WLS: variants seen among roughly 807,000 people sequenced by gnomAD.
WLS encodes protein wntless homolog.
In WLS, 23 loss-of-function variants were observed where a neutral mutation model predicts 62.8. That is an observed-to-expected ratio of 0.37 (90% confidence interval 0.26 to 0.52). The LOEUF (loss-of-function observed/expected upper bound fraction) is 0.52, where lower values mean the gene tolerates loss of function less well. Ranked by LOEUF, WLS falls within the 20% of genes least tolerant of loss-of-function variation. WLS has a pLI of 0.92. For missense variants in WLS, 615 were observed against 697.3 expected (o/e 0.88, Z 1.33); for synonymous variants, 246 against 244.1 (o/e 1.01, Z -0.07).
rs772365111 is a variant in WLS, at chr1:68,153,672, T to G, written c.667-19A>C. 1 of 1,613,962 alleles carries G rather than the reference T, an allele frequency of 6.2e-7. No homozygotes were observed. The highest frequency in any genetic ancestry group is 1.1e-5 in the South Asian group (1 of 91,032). On this transcript the variant is annotated intron_variant, in intron 4 of 11. Coordinates refer to ENST00000262348, the MANE Select transcript of WLS (RefSeq NM_024911.7). Reference sequence around the variant, plus strand: ...GGATCCCCTAGGCAGAGACCAGTGATAATTTTGAAGGTGAATATTATCTTA... The same window carrying G: ...GGATCCCCTAGGCAGAGACCAGTGAGAATTTTGAAGGTGAATATTATCTTA...
chr1:68,172,315 A>AG (rs921745128), intron 2 of WLS, among the ~76,000 whole-genome samples: 5 of 152,106 alleles, frequency 3.3e-5, no homozygotes, highest in African/African-American at 1.2e-4. Flanking sequence ...TATAATTAAA[A>AG]AAAAAAAATA....
intron 11 of WLS, among the ~76,000 whole-genome samples, chr1:68,113,546 A>C (rs1262809212): frequency 6.6e-6 from 1 of 152,188 alleles, no homozygotes; most frequent in Non-Finnish European, 1.5e-5. Context: ...CATATGATCC[A>C]AGCACTTTGG....
downstream of WLS, among the ~76,000 whole-genome samples, chr1:68,122,560 T>C (rs969614449): frequency 3.7e-5 from 5 of 136,804 alleles, no homozygotes; most frequent in Admixed American, 7.4e-5. Flanking sequence ...TTGGTAAACT[T>C]TCTTATTTTT....
At chr1:68,137,722 G>A in intron 11 of WLS, 58 bp downstream of exon 11, 2 of 1,556,938 alleles carry the variant, frequency 1.3e-6, no homozygotes, top group Non-Finnish European at 1.7e-6. Context: ...TTTAAATCTT[G>A]TAAAGACAGA....
chr1:68,206,795 C>T (rs1649299136), intron 1 of WLS, among the ~76,000 whole-genome samples: 1 of 152,150 alleles, frequency 6.6e-6, no homozygotes, highest in Non-Finnish European at 1.5e-5. Context: ...ACTTTTAACT[C>T]AGCAATTGTA....
At chr1:68,109,589 C>T (rs535633967) in intron 11 of WLS, among the ~76,000 whole-genome samples, 2 of 152,072 alleles carry the variant, frequency 1.3e-5, no homozygotes, top group African/African-American at 4.8e-5. Flanking sequence ...AAGACTTAAA[C>T]ATAACTTTTA....
At chr1:68,168,960 G>C (rs1331311260) in intron 2 of WLS, among the ~76,000 whole-genome samples, 2 of 152,172 alleles carry the variant, frequency 1.3e-5, no homozygotes, top group African/African-American at 2.4e-5. Context: ...GGCCCTGGCG[G>C]TTTTCTTAAG....
intron 2 of WLS, among the ~76,000 whole-genome samples, chr1:68,175,345 A>C (rs1647221123): frequency 6.6e-6 from 1 of 152,194 alleles, no homozygotes; most frequent in Non-Finnish European, 1.5e-5. Flanking sequence ...TACCAATGTG[A>C]GAGGGAGGCA....
intron 5 of WLS, among the ~76,000 whole-genome samples, 173 bp downstream of exon 5, chr1:68,153,344 T>A (rs980370734): frequency 6.6e-6 from 1 of 152,110 alleles, no homozygotes; most frequent in Non-Finnish European, 1.5e-5. Context: ...ATTTACTTAA[T>A]AACAACTTGC....
intron 10 of WLS, among the ~76,000 whole-genome samples, chr1:68,144,132 G>T (rs1167754767): frequency 6.6e-6 from 1 of 152,180 alleles, no homozygotes; most frequent in Non-Finnish European, 1.5e-5. Context: ...CCAGTGAAAA[G>T]ACAAGATGCT....
chr1:68,227,085 C>A (rs1011939279), intron 1 of WLS, among the ~76,000 whole-genome samples: 4 of 152,102 alleles, frequency 2.6e-5, no homozygotes, highest in Non-Finnish European at 5.9e-5. Flanking sequence ...ACAGGTTGTA[C>A]TGAAAGAACA....
At chr1:68,187,196 A>G (rs1025100987) in intron 2 of WLS, among the ~76,000 whole-genome samples, 3 of 150,396 alleles carry the variant, frequency 2.0e-5, no homozygotes, top group Non-Finnish European at 4.4e-5. Context: ...CTCCAAAAAA[A>G]AAAAAAAAAA....
At chr1:68,205,404 A>G (rs1649240511) in intron 1 of WLS, among the ~76,000 whole-genome samples, 1 of 152,228 alleles carries the variant, frequency 6.6e-6, no homozygotes, top group African/African-American at 2.4e-5. Flanking sequence ...TTTTTTTAAA[A>G]AAAACTGCTC....
rs1646857272 is a variant in WLS, at chr1:68,153,645, G to A, written c.675C>T (p.His225=). The A allele has an allele frequency of 6.2e-7, 1 of 1,614,166 alleles. No homozygotes were observed. Among genetic ancestry groups the A allele is most frequent in the Non-Finnish European group, 8.5e-7 (1 of 1,180,018 alleles). Residue 225 remains histidine (H), a synonymous_variant, in exon 5 of 12, where the codon CAC becomes CAT. Transcript: ENST00000262348. ...EIKDIRLVGI[H]QNGGFTKVWF... ...ACACCTTGGTGAAGCCTCCATTTTG[G>A]TGGATCCCCTAGGCAGAGACCAGTG... is the stretch of plus-strand genomic sequence containing the variant.
At chr1:68,102,656 A>G (rs1253746239) in intron 11 of WLS, 1 of 152,220 alleles carries the variant, frequency 6.6e-6, no homozygotes, top group Non-Finnish European at 1.5e-5. Context: ...TTGGTTCAGA[A>G]TCAGAGAAGC....
intron 11 of WLS, among the ~76,000 whole-genome samples, chr1:68,119,387 G>C (rs937376121): frequency 4.6e-5 from 7 of 152,102 alleles, no homozygotes; most frequent in African/African-American, 1.7e-4. Flanking sequence ...ATGTATTTTT[G>C]CAGAGTTTCT....
chr1:68,150,337 T>C lies in WLS; in HGVS notation c.823A>G (p.Ile275Val). The C allele has an allele frequency of 1.2e-6, 2 of 1,614,140 alleles. No homozygotes were observed. Among genetic ancestry groups the C allele is most frequent in the Non-Finnish European group, 8.5e-7 (1 of 1,180,018 alleles). ...LLEKVIFALG[I>V]SMTFINIPVE... ...GGGATATTGATAAAGGTCATGGAAA[T>C]CCCAAGGGCAAAGATGACTCTGATG... The change falls in exon 6 of 12, where the codon ATT becomes GTT. Residue 275 changes from isoleucine to valine, a missense_variant. Transcript: ENST00000262348.
At position 68,155,190 on chromosome 1, in the gene WLS, T is replaced by G. The variant is rs1440800104; in HGVS notation, c.575A>C (p.His192Pro). The change falls in exon 4 of 12, where the codon CAT becomes CCT. Residue 192 changes from histidine to proline, a missense_variant. Physicochemically the swap from His to Pro is moderately conservative, Grantham distance 77. Transcript: ENST00000262348. ...LPFMEIGSVA[H>P]KFYLLNIRLP... The stretch of plus-strand genomic sequence containing the variant: ...CCGGATGTTTAAAAGGTAAAACTTA[T>G]GGGCCACAGACCCAATTTCCATGAA... 1 of 1,614,042 alleles carries G rather than the reference T, an allele frequency of 6.2e-7. No homozygotes were observed. The highest frequency in any genetic ancestry group is 1.7e-5 in the Admixed American group (1 of 60,006).
rs1570927197 is a variant in WLS at position 68,163,128 on chromosome 1, A to G, written c.380-3881T>C. The G allele has an allele frequency of 4.3e-6, 6 of 1,408,860 alleles. No homozygotes were observed. The African/African-American group carries it at 8.5e-5, about 20-fold the overall frequency. The allele number at this position is 1,408,860 out of a possible 1,614,324, so 87.3% of individuals were successfully genotyped here. A position where few individuals can be genotyped will look rare whatever the true frequency, so the allele number is the denominator to read the frequency against. ...TTTGCAACTCTCAGATCAAAAGGCA[A>G]AGCAGTCCTCTAAGAACTTAGGGGA... On this transcript the variant is annotated intron_variant, in intron 2 of 11. Coordinates refer to ENST00000262348, the MANE Select transcript of WLS (RefSeq NM_024911.7).
Sources: gnomAD v4.1 joint callset for allele counts (sites outside exome capture counted in the v4.1 genomes callset) on GRCh38, gnomAD v4.1.1 for gene constraint, MANE v1.5 for transcripts, NCBI Gene and HGNC (gene_info 2026-07-23, HGNC 2026-07-21) for gene names.